Variants in INPP4B observed in about 807,000 individuals in gnomAD.
INPP4B encodes the protein inositol polyphosphate 4-phosphatase type II.
Under a neutral mutation model 122.5 loss-of-function variants are expected in INPP4B, and 55 were observed. The observed-to-expected ratio is 0.45, with a 90% confidence interval of 0.36 to 0.56. The LOEUF (loss-of-function observed/expected upper bound fraction) is 0.56. Ranked by LOEUF, INPP4B falls within the 20% of genes least tolerant of loss-of-function variation. The pLI, the probability that INPP4B is intolerant of heterozygous loss-of-function variation, is 0.00. For synonymous variants in INPP4B, 403 were observed against 388.7 expected (o/e 1.04, Z -0.43); for missense variants, 1,000 against 1,097.7 (o/e 0.91, Z 1.26).
chr4:142,104,660 GA>G (rs1161235580), intron 23 of INPP4B, among the ~76,000 whole-genome samples: 2 of 152,090 alleles, frequency 1.3e-5, no homozygotes, highest in East Asian at 3.9e-4. Flanking sequence ...TTGTCCATCA[GA>G]TATACAAGTT....
intron 2 of INPP4B, among the ~76,000 whole-genome samples, chr4:142,685,874 G>A (rs1759273861): frequency 6.6e-6 from 1 of 151,996 alleles, no homozygotes; most frequent in Admixed American, 6.6e-5. Context: ...AATTATACAT[G>A]GCTATATAAA....
chr4:142,138,459 C>T (rs960021773), intron 18 of INPP4B, among the ~76,000 whole-genome samples: 4 of 151,074 alleles, frequency 2.6e-5, no homozygotes, highest in Non-Finnish European at 4.4e-5. Context: ...ATGGGTGCAG[C>T]ACACCAGCAT....
At chr4:142,742,592 C>A (rs1272387213) in intron 1 of INPP4B, among the ~76,000 whole-genome samples, 4 of 151,858 alleles carry the variant, frequency 2.6e-5, no homozygotes, top group Non-Finnish European at 5.9e-5. Flanking sequence ...AGACTCTGTT[C>A]TTAAACTATA....
At chr4:142,214,551 T>A (rs998106333) in intron 12 of INPP4B, among the ~76,000 whole-genome samples, 1 of 152,140 alleles carries the variant, frequency 6.6e-6, no homozygotes, top group African/African-American at 2.4e-5. Flanking sequence ...TCAAAGCACG[T>A]CAATTCTTTT....
At chr4:142,395,694 G>A (rs905158267) in intron 7 of INPP4B, among the ~76,000 whole-genome samples, 1 of 152,014 alleles carries the variant, frequency 6.6e-6, no homozygotes, top group African/African-American at 2.4e-5. Context: ...AAGAAAATGT[G>A]GCATATAAAA....
At chr4:142,184,212 A>G (rs1468766716) in intron 15 of INPP4B, among the ~76,000 whole-genome samples, 1 of 152,212 alleles carries the variant, frequency 6.6e-6, no homozygotes, top group Non-Finnish European at 1.5e-5. Flanking sequence ...TGTTGGAAGA[A>G]TGTCACAACT....
chr4:142,680,068 T>C (rs1163119705), intron 2 of INPP4B, among the ~76,000 whole-genome samples: 2 of 151,844 alleles, frequency 1.3e-5, no homozygotes, highest in Admixed American at 1.3e-4. Flanking sequence ...ATACCCTTCA[T>C]CCACTTTGAG....
rs576571162 is a variant in INPP4B at position 142,715,026 on chromosome 4, A to T, written c.-191+10813T>A. 7.2e-5 allele frequency among the ~76,000 whole-genome samples: 11 copies of T among 152,350 alleles called. No individual in the cohort carries two copies. The East Asian group carries it at 2.1e-3, about 29-fold the overall frequency. On this transcript the variant is annotated intron_variant, in intron 2 of 25. Transcript: ENST00000262992. ...AAAGTCTACCAAAGGTAGTCTTTTC[A>T]TGTGAATATAAATGAAACACAACCC...
At chr4:142,457,610 GA>G (rs1263013720) in intron 3 of INPP4B, among the ~76,000 whole-genome samples, 3 of 152,236 alleles carry the variant, frequency 2.0e-5, no homozygotes, top group African/African-American at 7.2e-5. Flanking sequence ...ATACATATTA[GA>G]ATAACTATCA....
intron 7 of INPP4B, among the ~76,000 whole-genome samples, chr4:142,388,075 T>G (rs533597624): frequency 1.9e-4 from 29 of 152,238 alleles, no homozygotes; most frequent in Non-Finnish European, 3.5e-4. Context: ...TTCTTAAATC[T>G]TCCTTCCTCT....
chr4:142,616,946 G>A (rs1743831722), intron 2 of INPP4B, among the ~76,000 whole-genome samples: 1 of 152,014 alleles, frequency 6.6e-6, no homozygotes, highest in Non-Finnish European at 1.5e-5. Flanking sequence ...AAGGTGGGGA[G>A]GGTAGGAAGG....
intron 2 of INPP4B, among the ~76,000 whole-genome samples, chr4:142,503,001 G>A (rs750986390): frequency 2.0e-5 from 3 of 152,098 alleles, no homozygotes; most frequent in Admixed American, 6.6e-5. Context: ...GAAGCTATAA[G>A]ACATTGGAAT....
intron 2 of INPP4B, among the ~76,000 whole-genome samples, chr4:142,502,256 G>A (rs910011730): frequency 1.3e-5 from 2 of 152,002 alleles, no homozygotes; most frequent in Non-Finnish European, 2.9e-5. Context: ...TCTTCCTGAG[G>A]CACCTGGAGG....
chr4:142,273,418 T>C (rs1451658870), intron 9 of INPP4B, among the ~76,000 whole-genome samples: 3 of 151,956 alleles, frequency 2.0e-5, no homozygotes, highest in African/African-American at 7.2e-5. Context: ...AGTGATTCAA[T>C]GCTTACTGGG....
chr4:142,487,872 A>T (rs1022186733), intron 2 of INPP4B, among the ~76,000 whole-genome samples: 3 of 152,142 alleles, frequency 2.0e-5, no homozygotes, highest in African/African-American at 7.2e-5. Context: ...GAATAAAGAC[A>T]GTTTTACTTA....
At chr4:142,069,312 C>A (rs1393050330) in intron 25 of INPP4B, among the ~76,000 whole-genome samples, 8 of 152,172 alleles carry the variant, frequency 5.3e-5, no homozygotes, top group Non-Finnish European at 1.0e-4. Flanking sequence ...ATACCAGAAT[C>A]TCTGGGACAC....
At chr4:142,692,678 G>A (rs1038388387) in intron 2 of INPP4B, among the ~76,000 whole-genome samples, 6 of 152,208 alleles carry the variant, frequency 3.9e-5, no homozygotes, top group South Asian at 2.1e-4. Context: ...CTTCTGGGAA[G>A]AACAACGGAG....
At chr4:142,266,840 A>T (rs1189963159) in intron 10 of INPP4B, among the ~76,000 whole-genome samples, 1 of 152,194 alleles carries the variant, frequency 6.6e-6, no homozygotes, top group Non-Finnish European at 1.5e-5. Context: ...AAGAAAAAAA[A>T]AATCAGTTAA....
rs187294124 is a variant in INPP4B at position 142,663,569 on chromosome 4, A to T, written c.-191+62270T>A. 5.9e-3 allele frequency among the ~76,000 whole-genome samples: 897 copies of T among 152,236 alleles called. 6 individuals carry two copies. Among genetic ancestry groups the T allele is most frequent in the South Asian group, 0.03 (143 of 4,820 alleles). On this transcript the variant is annotated intron_variant, in intron 2 of 25. Transcript: ENST00000262992. ...CTCTGTTTAGAGAATAAGAATGGAC[A>T]GGTTTTCTTCAATATAAGGAGCAGG...
Sources: allele counts gnomAD v4.1 joint callset (sites outside exome capture counted in the v4.1 genomes callset), GRCh38; gene constraint gnomAD v4.1.1; transcripts MANE v1.5; gene names NCBI Gene and HGNC (gene_info 2026-07-23, HGNC 2026-07-21).